Variants in ASAP1 observed in about 807,000 individuals in gnomAD.
ASAP1 encodes ArfGAP with SH3 domain, ankyrin repeat and PH domain 1.
ASAP1 carries 43 observed loss-of-function variants against 145.2 expected under a neutral mutation model. The observed-to-expected ratio is 0.30, with a 90% confidence interval of 0.23 to 0.38. The LOEUF is 0.38. ASAP1 is among the 10% of genes least tolerant of loss of function. The pLI is 1.00. For missense variants in ASAP1, 1,018 were observed against 1,355.3 expected (o/e 0.75, Z 3.91); for synonymous variants, 546 against 515.5 (o/e 1.06, Z -0.80).
intron 3 of ASAP1, among the ~76,000 whole-genome samples, chr8:130,254,026 A>G (rs1819366181): frequency 6.6e-6 from 1 of 152,210 alleles, no homozygotes; most frequent in African/African-American, 2.4e-5. Flanking sequence ...CATCTCCAAA[A>G]AAAACCTATG....
intron 2 of ASAP1, among the ~76,000 whole-genome samples, chr8:130,400,127 G>A (rs532273833): frequency 1.2e-4 from 19 of 152,178 alleles, no homozygotes; most frequent in Admixed American, 2.6e-4. Context: ...GCCGAAAGCC[G>A]GTGTCTTGTG....
chr8:130,407,109 A>G (rs114957403), intron 1 of ASAP1, among the ~76,000 whole-genome samples: 159 of 152,334 alleles, frequency 1.0e-3, no homozygotes, highest in African/African-American at 3.5e-3. Flanking sequence ...GCTCCCCGTA[A>G]CTGATGAATG....
intron 3 of ASAP1, among the ~76,000 whole-genome samples, chr8:130,256,103 C>G (rs1420946427): frequency 1.3e-5 from 2 of 152,156 alleles, no homozygotes; most frequent in Non-Finnish European, 2.9e-5. Flanking sequence ...TTGAGGAAGA[C>G]AGGGATGAGG....
chr8:130,428,414 ACC>A, intron 1 of ASAP1, among the ~76,000 whole-genome samples: 1 of 137,706 alleles, frequency 7.3e-6, no homozygotes, highest in African/African-American at 2.8e-5. Context: ...AATCACCACC[ACC>A]ATCACCATCA....
chr8:130,420,776 C>G (rs1426929990), intron 1 of ASAP1, among the ~76,000 whole-genome samples: 1 of 151,978 alleles, frequency 6.6e-6, no homozygotes, highest in African/African-American at 2.4e-5. Context: ...CACCTGTAAT[C>G]CCACTACTTG....
intron 27 of ASAP1, among the ~76,000 whole-genome samples, chr8:130,064,097 G>A (rs2097425099): frequency 6.6e-6 from 1 of 152,162 alleles, no homozygotes; most frequent in South Asian, 2.1e-4. Context: ...GGGGTTGCGA[G>A]AAGAACCACC....
intron 1 of ASAP1, among the ~76,000 whole-genome samples, chr8:130,411,606 T>C (rs1829268228): frequency 6.6e-6 from 1 of 152,156 alleles, no homozygotes; most frequent in Non-Finnish European, 1.5e-5. Context: ...GAAACCACCC[T>C]AAGACAGGGA....
In ASAP1 at chr8:130,117,281, C is replaced by T. The variant is rs186361262; in HGVS notation, c.1881-286G>A. Among the ~76,000 whole-genome samples the T allele has an allele frequency of 1.2e-3, 190 of 152,210 alleles. 1 individual carries two copies. Among genetic ancestry groups the T allele is most frequent in the Non-Finnish European group, 2.4e-3 (166 of 68,026 alleles). ...ATGATGGGGTAAATACTAATAATAA[C>T]CGCTTTTACAGATAAAAAACCCTGA... On this transcript the variant is annotated intron_variant, in intron 20 of 29. Coordinates refer to ENST00000518721, the MANE Select transcript of ASAP1 (RefSeq NM_018482.4).
chr8:130,091,062 G>A (rs1350398775), intron 25 of ASAP1, among the ~76,000 whole-genome samples: 2 of 152,326 alleles, frequency 1.3e-5, no homozygotes, highest in Admixed American at 1.3e-4. Flanking sequence ...TGGGAATTAT[G>A]TCCCTTGTAG....
intron 2 of ASAP1, among the ~76,000 whole-genome samples, chr8:130,385,100 A>G (rs1056222667): frequency 3.3e-5 from 5 of 152,186 alleles, no homozygotes; most frequent in Non-Finnish European, 7.3e-5. Context: ...TCTACTACAC[A>G]GACATGGCCT....
intron 1 of ASAP1, among the ~76,000 whole-genome samples, chr8:130,439,193 A>G (rs1229888656): frequency 6.6e-6 from 1 of 152,148 alleles, no homozygotes; most frequent in African/African-American, 2.4e-5. Context: ...GGAAGAAGGA[A>G]ACCACAAGCC....
intron 7 of ASAP1, among the ~76,000 whole-genome samples, chr8:130,185,695 C>CTCTA (rs1469046158): frequency 7.2e-6 from 1 of 138,044 alleles, no homozygotes; most frequent in African/African-American, 2.8e-5. Context: ...AGCCACTGAA[C>CTCTA]TCTAGCCTGG....
In ASAP1 at chr8:130,054,676, T is replaced by G; in HGVS notation, c.*55A>C. The stretch of plus-strand genomic sequence containing the variant: ...TATACACACTGTGCCCAGGGTTACA[T>G]GAAGGCAGCAGTCTTGCATGAAGGA... On this transcript the variant is annotated 3_prime_UTR_variant, in exon 30 of 30. Transcript: ENST00000518721. 6.7e-7 allele frequency: 1 copy of G among 1,501,706 alleles called. No homozygotes were observed. The allele number at this position is 1,501,706 out of a possible 1,614,324, so 93.0% of individuals were successfully genotyped here.
At chr8:130,395,085 G>A (rs547046018) in intron 2 of ASAP1, among the ~76,000 whole-genome samples, 2 of 152,170 alleles carry the variant, frequency 1.3e-5, no homozygotes, top group Non-Finnish European at 2.9e-5. Flanking sequence ...GACCACACAA[G>A]AATGTCCCTG....
chr8:130,121,734 A>T (rs552890908), intron 18 of ASAP1, among the ~76,000 whole-genome samples: 83 of 144,824 alleles, frequency 5.7e-4, no homozygotes, highest in African/African-American at 2.0e-3. Flanking sequence ...CAGTGAGCAA[A>T]GATCGCATCA....
chr8:130,088,139 A>T (rs1207825380), intron 25 of ASAP1, among the ~76,000 whole-genome samples: 1 of 151,836 alleles, frequency 6.6e-6, no homozygotes, highest in Non-Finnish European at 1.5e-5. Flanking sequence ...CAAGGAGATT[A>T]TTTTTTTTGA....
chr8:130,292,299 G>A (rs2137313308), intron 3 of ASAP1, among the ~76,000 whole-genome samples: 1 of 152,324 alleles, frequency 6.6e-6, no homozygotes, highest in East Asian at 1.9e-4. Flanking sequence ...GAATCTTACA[G>A]CCTTGTCTGC....
At chr8:130,118,009 G>A in intron 20 of ASAP1, 152 bp downstream of exon 20, 1 of 530,056 alleles carries the variant, frequency 1.9e-6, no homozygotes, top group Non-Finnish European at 3.3e-6. Flanking sequence ...CTGACAGAGA[G>A]ACTTCATGCC....
At chr8:130,294,041 G>A (rs564385145) in intron 3 of ASAP1, among the ~76,000 whole-genome samples, 1 of 152,064 alleles carries the variant, frequency 6.6e-6, no homozygotes, top group Non-Finnish European at 1.5e-5. Context: ...TACGTAATAG[G>A]TATTATACCC....
Sources: gnomAD v4.1 joint callset for allele counts (sites outside exome capture counted in the v4.1 genomes callset) on GRCh38, gnomAD v4.1.1 for gene constraint, MANE v1.5 for transcripts, NCBI Gene and HGNC (gene_info 2026-07-23, HGNC 2026-07-21) for gene names.